CREB3L2: variants seen among roughly 807,000 people sequenced by gnomAD.
CREB3L2 encodes cAMP responsive element binding protein 3 like 2, also known as cyclic AMP-responsive element-binding protein 3-like protein 2.
In CREB3L2, 23 loss-of-function variants were observed where a neutral mutation model predicts 57.2. That is an observed-to-expected ratio of 0.40 (90% CI 0.29 to 0.57). CREB3L2 has a LOEUF of 0.57. Among genes scored for constraint, CREB3L2 ranks in the 20% least tolerant of loss-of-function variants. The pLI is 0.42. For synonymous variants in CREB3L2, 268 were observed against 265.1 expected (o/e 1.01, Z -0.11); for missense variants, 628 against 634.7 (o/e 0.99, Z 0.11).
At chr7:137,922,506 AC>A (rs1360645086) in intron 2 of CREB3L2, 1 of 278,432 alleles carries the variant, frequency 3.6e-6, no homozygotes, top group Non-Finnish European at 7.3e-6. Context: ...ACACACACAC[AC>A]AATATATATA....
At chr7:137,913,142 A>C in intron 3 of CREB3L2, 64 bp from the exon 4 acceptor site, 6 of 1,520,148 alleles carry the variant, frequency 3.9e-6, no homozygotes, top group Non-Finnish European at 5.4e-6. Flanking sequence ...CACATGCAGG[A>C]GAGCTATTTG....
At chr7:137,951,597 G>A (rs1454462374) in intron 1 of CREB3L2, among the ~76,000 whole-genome samples, 1 of 152,176 alleles carries the variant, frequency 6.6e-6, no homozygotes, top group Admixed American at 6.5e-5. Context: ...TGGTATATAA[G>A]CTCAAGGAAT....
chr7:137,884,965 C>A, intron 10 of CREB3L2, 30 bp downstream of exon 10: 1 of 1,613,982 alleles, frequency 6.2e-7, no homozygotes, highest in East Asian at 2.2e-5. Flanking sequence ...TAAAACAAGA[C>A]CCTGCCCAAC....
Position 137,880,078 on chromosome 7 carries a change from T to A in CREB3L2, c.*398A>T. ...CAAATACCAACAGGCATTATGGCAT[T>A]TTTGTGGCCAGAGTCTGGGGTCTTG... is the stretch of plus-strand genomic sequence containing the variant. On this transcript the variant is annotated 3_prime_UTR_variant, in exon 12 of 12. Coordinates refer to ENST00000330387, the MANE Select transcript of CREB3L2 (RefSeq NM_194071.4). The surrounding 1 kb of genome is among the most constrained non-coding windows in gnomAD (Gnocchi z 4.0). The A allele has an allele frequency of 3.4e-6, 1 of 290,530 alleles. No homozygotes were observed. Among genetic ancestry groups the A allele is most frequent in the Non-Finnish European group, 6.5e-6 (1 of 152,860 alleles). The allele number at this position is 290,530 out of a possible 1,614,324, so 18.0% of individuals were successfully genotyped here. A position where few individuals can be genotyped will look rare whatever the true frequency, so the allele number is the denominator to read the frequency against.
intron 1 of CREB3L2, among the ~76,000 whole-genome samples, chr7:137,976,159 C>A (rs1422349386): frequency 6.6e-6 from 1 of 152,252 alleles, no homozygotes; most frequent in Non-Finnish European, 1.5e-5. Flanking sequence ...GATATTTTAT[C>A]AGCCAGGAGT....
At chr7:137,957,593 G>A (rs1801241716) in intron 1 of CREB3L2, 1 of 379,388 alleles carries the variant, frequency 2.6e-6, no homozygotes, top group Non-Finnish European at 4.9e-6. Context: ...CAACAACTAG[G>A]CCCAGCCCCT....
rs1446650992 is a variant in CREB3L2, at chr7:137,972,867, T to A, written c.102+28737A>T. The stretch of plus-strand genomic sequence containing the variant: ...AACTCTAAGGCACCTGTAACATTCA[T>A]GAATAAATACACTGTGGATCAACCC... On this transcript the variant is annotated intron_variant, in intron 1 of 11. Coordinates refer to ENST00000330387, the MANE Select transcript of CREB3L2 (RefSeq NM_194071.4). Among the ~76,000 whole-genome samples, 4 of 151,004 alleles carry A rather than the reference T, an allele frequency of 2.6e-5. No homozygotes were observed. In the South Asian group the frequency reaches 8.4e-4, roughly 32 times the overall value.
Position 137,915,876 on chromosome 7 carries a change from C to G in CREB3L2, c.456G>C (p.Pro152=). ...VTLTITAIST[P]LEKEEPPLEM... Reference sequence around the variant, plus strand: ...CCAGAGGAGGTTCCTCCTTTTCCAACGGGGTGGAGATGGCTGTGATGGTCA... The same window carrying G: ...CCAGAGGAGGTTCCTCCTTTTCCAAGGGGGTGGAGATGGCTGTGATGGTCA... The change falls in exon 3 of 12, where the codon CCG becomes CCC. Residue 152 remains proline (P), a synonymous_variant. Transcript: ENST00000330387. The G allele has an allele frequency of 6.2e-7, 1 of 1,613,932 alleles. No individual in the cohort carries two copies. The highest frequency in any genetic ancestry group is 8.5e-7 in the Non-Finnish European group (1 of 1,179,940).
At chr7:137,915,763 C>T (rs1800114751) in intron 3 of CREB3L2, 74 bp downstream of exon 3, 1 of 1,341,566 alleles carries the variant, frequency 7.5e-7, no homozygotes, top group Non-Finnish European at 1.0e-6. Context: ...AAAGATTAAA[C>T]ACCTTATTGG....
At chr7:137,941,127 A>G (rs1175450685) in intron 1 of CREB3L2, among the ~76,000 whole-genome samples, 1 of 152,240 alleles carries the variant, frequency 6.6e-6, no homozygotes, top group Non-Finnish European at 1.5e-5. Context: ...CACCGGACTC[A>G]TGGGACAGAA....
At chr7:137,939,756 C>G (rs557156765) in intron 1 of CREB3L2, among the ~76,000 whole-genome samples, 2 of 152,172 alleles carry the variant, frequency 1.3e-5, no homozygotes, top group Admixed American at 6.5e-5. Context: ...ATCAGGACCA[C>G]CAATTCTTCC....
chr7:137,973,221 T>C (rs541519846), intron 1 of CREB3L2, among the ~76,000 whole-genome samples: 1 of 150,842 alleles, frequency 6.6e-6, no homozygotes, highest in South Asian at 2.1e-4. Context: ...ACTAAAATGG[T>C]TTGAAATTCT....
intron 1 of CREB3L2, among the ~76,000 whole-genome samples, chr7:137,937,683 T>G (rs956461512): frequency 1.3e-5 from 2 of 152,220 alleles, no homozygotes; most frequent in African/African-American, 4.8e-5. Context: ...GGGCTGAGCT[T>G]CGAACTCTTT....
intron 7 of CREB3L2, 108 bp downstream of exon 7, chr7:137,903,851 C>T: frequency 1.1e-6 from 1 of 941,132 alleles, no homozygotes; most frequent in African/African-American, 1.6e-5. Context: ...ACCGGGTTTC[C>T]AAGGTGGCCA....
chr7:137,924,676 C>T (rs935227854), intron 2 of CREB3L2, among the ~76,000 whole-genome samples: 1 of 151,544 alleles, frequency 6.6e-6, no homozygotes, highest in Non-Finnish European at 1.5e-5. Context: ...GTTGTTGTTG[C>T]CTTTTTTGTA....
chr7:137,966,118 G>A (rs1285779816), intron 1 of CREB3L2, among the ~76,000 whole-genome samples: 1 of 152,092 alleles, frequency 6.6e-6, no homozygotes, highest in Non-Finnish European at 1.5e-5. Flanking sequence ...AAGTTGGGAG[G>A]GGCATCAAGA....
intron 8 of CREB3L2, among the ~76,000 whole-genome samples, chr7:137,900,103 A>T (rs1362011047): frequency 6.6e-6 from 1 of 152,174 alleles, no homozygotes; most frequent in Admixed American, 6.5e-5. Context: ...ACATGAACAC[A>T]TACATTCTGG....
chr7:137,969,509 G>C (rs1293065628), intron 1 of CREB3L2, among the ~76,000 whole-genome samples: 2 of 151,622 alleles, frequency 1.3e-5, no homozygotes, highest in Non-Finnish European at 2.9e-5. Flanking sequence ...ATCACACCCG[G>C]CTAATTTTTT....
chr7:137,932,180 T>C (rs1011177467), intron 1 of CREB3L2, among the ~76,000 whole-genome samples: 1 of 152,232 alleles, frequency 6.6e-6, no homozygotes, highest in Non-Finnish European at 1.5e-5. Context: ...TATTCATGTT[T>C]ATACACGTAG....
Sources: gnomAD v4.1 joint callset for allele counts (sites outside exome capture counted in the v4.1 genomes callset) on GRCh38, gnomAD v4.1.1 for gene constraint, Gnocchi (gnomAD v3.1) non-coding constraint, MANE v1.5 for transcripts, NCBI Gene and HGNC (gene_info 2026-07-23, HGNC 2026-07-21) for gene names.